The following ADAM32 variants were observed in gnomAD, a reference collection of about 807,000 sequenced individuals.
ADAM32 encodes disintegrin and metalloproteinase domain-containing protein 32.
ADAM32 carries 89 observed loss-of-function variants against 114.9 expected under a neutral mutation model. That is an observed-to-expected ratio of 0.77 (90% confidence interval 0.65 to 0.92). The LOEUF (loss-of-function observed/expected upper bound fraction) is 0.92, where lower values mean the gene tolerates loss of function less well. Ranked by LOEUF, ADAM32 falls within the 40% of genes least tolerant of loss-of-function variation. The pLI is 0.00. For synonymous variants in ADAM32, 285 were observed against 307.5 expected (o/e 0.93, Z 0.77); for missense variants, 870 against 932.8 (o/e 0.93, Z 0.88).
chr8:39,148,380 T>C (rs1803632224), intron 4 of ADAM32, among the ~76,000 whole-genome samples: 1 of 152,160 alleles, frequency 6.6e-6, no homozygotes. Flanking sequence ...ATGTTTTTCA[T>C]CCTCATTTCC....
intron 10 of ADAM32, among the ~76,000 whole-genome samples, chr8:39,174,545 C>T (rs1805394057): frequency 6.6e-6 from 1 of 151,594 alleles, no homozygotes; most frequent in African/African-American, 2.4e-5. Flanking sequence ...TTTTAGGGTA[C>T]ATGTGCACAA....
intron 6 of ADAM32, chr8:39,157,612 G>A: frequency 3.5e-6 from 2 of 570,530 alleles, no homozygotes; most frequent in Non-Finnish European, 6.7e-6. Context: ...TGGTTTGGAA[G>A]CGGCCATGGC....
At chr8:39,232,248 G>C in intron 15 of ADAM32, 113 bp downstream of exon 15, 1 of 729,280 alleles carries the variant, frequency 1.4e-6, no homozygotes, top group Non-Finnish European at 2.1e-6. Context: ...ATGTGCATAG[G>C]AGTGAACCTC....
chr8:39,189,079 G>A (rs1351254152), intron 11 of ADAM32, among the ~76,000 whole-genome samples: 1 of 152,024 alleles, frequency 6.6e-6, no homozygotes, highest in Non-Finnish European at 1.5e-5. Flanking sequence ...GATTTACTGT[G>A]TACCTATTAA....
intron 11 of ADAM32, among the ~76,000 whole-genome samples, chr8:39,197,980 T>G (rs1315587427): frequency 1.3e-5 from 2 of 152,200 alleles, no homozygotes; most frequent in Non-Finnish European, 2.9e-5. Flanking sequence ...TAATATTTGT[T>G]TTATATATCT....
At chr8:39,206,134 T>G (rs534201406) in intron 11 of ADAM32, among the ~76,000 whole-genome samples, 2 of 152,298 alleles carry the variant, frequency 1.3e-5, no homozygotes, top group African/African-American at 4.8e-5. Flanking sequence ...TCCATAGGAT[T>G]TCTTTGTCTG....
chr8:39,253,325 A>G (rs893237283), intron 17 of ADAM32, among the ~76,000 whole-genome samples: 4 of 151,710 alleles, frequency 2.6e-5, no homozygotes, highest in African/African-American at 9.7e-5. Context: ...ATTATACTCA[A>G]TGGTGAAATA....
At chr8:39,136,531 C>T in intron 2 of ADAM32, 126 bp from the exon 3 acceptor site, 1 of 596,926 alleles carries the variant, frequency 1.7e-6, no homozygotes, top group Non-Finnish European at 2.8e-6. Flanking sequence ...TTTTAAATCA[C>T]ATGTAGTCTG....
intron 10 of ADAM32, among the ~76,000 whole-genome samples, chr8:39,182,203 G>A (rs1294950255): frequency 6.6e-6 from 1 of 152,150 alleles, no homozygotes; most frequent in Non-Finnish European, 1.5e-5. Context: ...GCACTGGTTA[G>A]CAGATGGGCT....
At position 39,223,186 on chromosome 8, in the gene ADAM32, T is replaced by C; in HGVS notation, c.1473T>C (p.Tyr491=). 6.3e-7 allele frequency: 1 copy of C among 1,599,308 alleles called. No individual in the cohort carries two copies. The highest frequency in any genetic ancestry group is 8.5e-7 in the Non-Finnish European group (1 of 1,173,668). ...LSCKNNKFIC[Y]DGDCHDLDAR... ...GCAAAAATAATAAGTTTATTTGTTA[T>C]GACGGAGACTGCCATGATCTCGATG... is the stretch of plus-strand genomic sequence containing the variant. Residue 491 remains tyrosine, a synonymous_variant, in exon 14 of 25, where the codon TAT becomes TAC. Transcript: ENST00000379907.
chr8:39,138,323 A>T (rs1311294211), intron 3 of ADAM32, among the ~76,000 whole-genome samples: 1 of 148,412 alleles, frequency 6.7e-6, no homozygotes, highest in Non-Finnish European at 1.5e-5. Flanking sequence ...TCCCTCCCCC[A>T]GTCCCCCACC....
At chr8:39,252,671 A>G (rs1811378140) in intron 17 of ADAM32, among the ~76,000 whole-genome samples, 1 of 151,476 alleles carries the variant, frequency 6.6e-6, no homozygotes. Context: ...AAAAGGACAA[A>G]CTCTTAGGTA....
intron 10 of ADAM32, among the ~76,000 whole-genome samples, chr8:39,177,521 T>A (rs2129446750): frequency 6.6e-6 from 1 of 152,336 alleles, no homozygotes; most frequent in South Asian, 2.1e-4. Flanking sequence ...TTAAAATTAA[T>A]GTTGTTCTGT....
Position 39,221,680 on chromosome 8 carries a change from G to T in ADAM32, c.1304G>T (p.Gly435Val). ...VLKDGAKCYKGLCCKDCQILQ... is the reference protein window; with the variant it reads ...VLKDGAKCYKVLCCKDCQILQ... ...AAAGACGGAGCAAAATGTTATAAAGGACTGTGCTGCAAAGACTGTCAAGTA... is the reference window on the plus strand; with the variant it reads ...AAAGACGGAGCAAAATGTTATAAAGTACTGTGCTGCAAAGACTGTCAAGTA... The change falls in exon 13 of 25, where the codon GGA becomes GTA. Residue 435 changes from glycine to valine, a missense_variant. Gly to Val is a moderately radical substitution (Grantham distance 109). Coordinates refer to ENST00000379907, the MANE Select transcript of ADAM32 (RefSeq NM_145004.7). 6.2e-7 allele frequency: 1 copy of T among 1,611,452 alleles called. No individual in the cohort carries two copies. The highest frequency in any genetic ancestry group is 8.5e-7 in the Non-Finnish European group (1 of 1,178,432).
chr8:39,192,423 G>A (rs538489005), intron 11 of ADAM32, among the ~76,000 whole-genome samples: 55 of 152,232 alleles, frequency 3.6e-4, no homozygotes, highest in African/African-American at 1.3e-3. Flanking sequence ...ATGTGAGATG[G>A]TTTTCTTGAA....
rs577767460 is a variant in ADAM32, at chr8:39,140,635, C to G, written c.200+3917C>G. ...TTCTCTTTTTTGTGTGTGTCTCTAC[C>G]AGGCTTTGGTATCAGGATGATGCTG... is the stretch of plus-strand genomic sequence containing the variant. On this transcript the variant is annotated intron_variant, in intron 3 of 24. Transcript: ENST00000379907. Among the ~76,000 whole-genome samples the G allele has an allele frequency of 2.6e-5, 4 of 152,272 alleles. No homozygotes were observed. In the East Asian group the frequency reaches 5.8e-4, roughly 22 times the overall value.
chr8:39,149,807 A>T lies in ADAM32; in HGVS notation c.293A>T (p.Gln98Leu), dbSNP rs17856744. The T allele has an allele frequency of 6.2e-7, 1 of 1,611,358 alleles. No individual in the cohort carries two copies. Among genetic ancestry groups the T allele is most frequent in the African/African-American group, 1.3e-5 (1 of 74,848 alleles). Reference sequence around the variant, plus strand: ...CTTTCCTAGACTCAATGCTACTATCAAGGAAATATTGAAGGATATCCAGAT... The same window carrying T: ...CTTTCCTAGACTCAATGCTACTATCTAGGAAATATTGAAGGATATCCAGAT... Reference protein sequence around the residue: ...SSDIQTQCYYQGNIEGYPDSM... With the variant: ...SSDIQTQCYYLGNIEGYPDSM... Residue 98 changes from glutamine to leucine, a missense_variant, in exon 5 of 25, where the codon CAA becomes CTA. Coordinates refer to ENST00000379907, the MANE Select transcript of ADAM32 (RefSeq NM_145004.7).
chr8:39,144,758 C>T (rs943008225), intron 3 of ADAM32, among the ~76,000 whole-genome samples: 3 of 152,158 alleles, frequency 2.0e-5, no homozygotes, highest in African/African-American at 7.2e-5. Flanking sequence ...GATTAGGATG[C>T]CTATTTTCCT....
intron 14 of ADAM32, among the ~76,000 whole-genome samples, chr8:39,225,158 C>T (rs546242378): frequency 6.6e-6 from 1 of 152,320 alleles, no homozygotes; most frequent in South Asian, 2.1e-4. Flanking sequence ...CCCTCCCAAC[C>T]CTGTGCACAC....
Sources: gnomAD v4.1 joint callset for allele counts (sites outside exome capture counted in the v4.1 genomes callset) on GRCh38, gnomAD v4.1.1 for gene constraint, MANE v1.5 for transcripts, NCBI Gene and HGNC (gene_info 2026-07-23, HGNC 2026-07-21) for gene names.